Variants in PSME4 observed in about 807,000 individuals in gnomAD.
PSME4 encodes the protein proteasome activator subunit 4.
A neutral mutation model predicts 253.9 loss-of-function variants in PSME4; 89 were observed. The observed-to-expected ratio is 0.35, with a 90% confidence interval of 0.30 to 0.42. The LOEUF is 0.42. Ranked by LOEUF, PSME4 falls within the 10% of genes least tolerant of loss-of-function variation. The pLI, the probability that PSME4 is intolerant of heterozygous loss-of-function variation, is 1.00. For synonymous variants in PSME4, 851 were observed against 759.2 expected (o/e 1.12, Z -1.99); for missense variants, 2,014 against 2,195.2 (o/e 0.92, Z 1.65).
chr2:53,891,076 A>G (rs1679884259), intron 36 of PSME4, among the ~76,000 whole-genome samples: 1 of 152,196 alleles, frequency 6.6e-6, no homozygotes, highest in South Asian at 2.1e-4. Context: ...GTTCTTAAAA[A>G]TCTTGTATAA....
chr2:53,872,550 G>A (rs755883172), intron 43 of PSME4, among the ~76,000 whole-genome samples: 89 of 151,804 alleles, frequency 5.9e-4, no homozygotes, highest in Middle Eastern at 6.8e-3. Context: ...AGACCAGCCT[G>A]GGCAGTATGG....
At chr2:53,946,666 C>A (rs552033772) in intron 3 of PSME4, among the ~76,000 whole-genome samples, 1 of 152,206 alleles carries the variant, frequency 6.6e-6, no homozygotes, top group South Asian at 2.1e-4. Context: ...GAGGCCAAGG[C>A]GGGAGGATCA....
intron 27 of PSME4, among the ~76,000 whole-genome samples, chr2:53,903,713 A>C (rs1315345907): frequency 1.3e-5 from 2 of 152,204 alleles, no homozygotes; most frequent in African/African-American, 4.8e-5. Flanking sequence ...TATTTTCCTC[A>C]GGAAAGTCTG....
chr2:53,923,288 C>G (rs530753981), intron 15 of PSME4, 33 bp downstream of exon 15: 4 of 1,574,538 alleles, frequency 2.5e-6, no homozygotes, highest in Non-Finnish European at 3.4e-6. Flanking sequence ...ATTGTTGAGT[C>G]ATTAATACAT....
Position 53,923,349 on chromosome 2 carries a change from A to C in PSME4, c.1880T>G (p.Val627Gly). Residue 627 changes from valine to glycine, a missense_variant, in exon 15 of 47, where the codon GTG becomes GGG. Coordinates refer to ENST00000404125, the MANE Select transcript of PSME4 (RefSeq NM_014614.3). ...TACAGCAGCGCGGCACATGTCTGCC[A>C]CCATGCGACCTGCTACTCTTGTTTC... Reference protein sequence around the residue: ...IFETRVAGRMVADMCRAAVKC... With the variant: ...IFETRVAGRMGADMCRAAVKC... The C allele has an allele frequency of 6.2e-7, 1 of 1,610,440 alleles. No homozygotes were observed. The highest frequency in any genetic ancestry group is 2.2e-5 in the East Asian group (1 of 44,812).
intron 46 of PSME4, 122 bp downstream of exon 46, chr2:53,865,963 T>C (rs1341607094): frequency 5.7e-6 from 6 of 1,051,782 alleles, no homozygotes; most frequent in Non-Finnish European, 7.9e-6. Flanking sequence ...AAACAAACAA[T>C]CCCCGCCATC....
At chr2:53,910,209 T>A in intron 20 of PSME4, 79 bp from the exon 21 acceptor site, 1 of 1,136,278 alleles carries the variant, frequency 8.8e-7, no homozygotes, top group Non-Finnish European at 1.3e-6. Context: ...ATTGCTGGAC[T>A]GTTTAAACCA....
At position 53,910,161 on chromosome 2, in the gene PSME4, T is replaced by C. The variant is rs375488624; in HGVS notation, c.2517-31A>G. ...TAAAAACAAGAGTGCTTGCATTTATTAATAATACCAATATGAAGTATTAAA... is the reference window on the plus strand; with the variant it reads ...TAAAAACAAGAGTGCTTGCATTTATCAATAATACCAATATGAAGTATTAAA... On this transcript the variant is annotated intron_variant, in intron 20 of 46. Coordinates refer to ENST00000404125, the MANE Select transcript of PSME4 (RefSeq NM_014614.3). 79 of 1,537,430 alleles carry C rather than the reference T, an allele frequency of 5.1e-5. 1 individual carries two copies. The highest frequency in any genetic ancestry group is 1.7e-4 in the Middle Eastern group (1 of 5,842).
chr2:53,965,071 T>A (rs1355924403), intron 1 of PSME4, among the ~76,000 whole-genome samples: 1 of 151,638 alleles, frequency 6.6e-6, no homozygotes, highest in African/African-American at 2.4e-5. Context: ...TTCACTAAAA[T>A]CAAAATTCTG....
intron 35 of PSME4, 55 bp from the exon 36 acceptor site, chr2:53,893,015 A>G: frequency 6.6e-7 from 1 of 1,510,214 alleles, no homozygotes; most frequent in Non-Finnish European, 9.0e-7. Context: ...CTCGATTATA[A>G]TTATGCTTGT....
intron 20 of PSME4, among the ~76,000 whole-genome samples, chr2:53,915,056 C>G (rs1200971889): frequency 6.6e-6 from 1 of 152,054 alleles, no homozygotes; most frequent in Non-Finnish European, 1.5e-5. Flanking sequence ...CATTTAGTAG[C>G]CACTTCCCTG....
intron 20 of PSME4, among the ~76,000 whole-genome samples, chr2:53,918,140 G>T (rs1020271325): frequency 6.6e-6 from 1 of 152,090 alleles, no homozygotes; most frequent in Non-Finnish European, 1.5e-5. Flanking sequence ...TAACGTTTTT[G>T]TTGGAAAATC....
At chr2:53,917,679 C>G (rs1367816250) in intron 20 of PSME4, among the ~76,000 whole-genome samples, 1 of 152,162 alleles carries the variant, frequency 6.6e-6, no homozygotes, top group Admixed American at 6.5e-5. Context: ...AAGCAGAACT[C>G]AATTTGCTGA....
At chr2:53,884,857 A>G (rs941436958) in intron 41 of PSME4, among the ~76,000 whole-genome samples, 2 of 152,202 alleles carry the variant, frequency 1.3e-5, no homozygotes, top group African/African-American at 2.4e-5. Flanking sequence ...AGCATTCTTA[A>G]AAGTATTTTA....
At chr2:53,900,480 G>C (rs1480463847) in intron 28 of PSME4, among the ~76,000 whole-genome samples, 1 of 151,998 alleles carries the variant, frequency 6.6e-6, no homozygotes, top group Non-Finnish European at 1.5e-5. Flanking sequence ...CTGAGGCAGG[G>C]GATGATTATG....
chr2:53,891,008 C>A (rs1369229719), intron 36 of PSME4, among the ~76,000 whole-genome samples: 1 of 151,894 alleles, frequency 6.6e-6, no homozygotes, highest in African/African-American at 2.4e-5. Flanking sequence ...GCCTAAGCAA[C>A]GGAGCAAGAC....
chr2:53,923,931 A>C (rs1176134752), intron 14 of PSME4, among the ~76,000 whole-genome samples: 1 of 76,542 alleles, frequency 1.3e-5, no homozygotes, highest in African/African-American at 3.9e-5. Context: ...AAAAAAAAAA[A>C]AAAAAAAAAA....
intron 34 of PSME4, among the ~76,000 whole-genome samples, chr2:53,894,689 T>C (rs546181114): frequency 3.3e-5 from 5 of 149,572 alleles, no homozygotes; most frequent in Non-Finnish European, 1.5e-5. Flanking sequence ...TAAAAATCAG[T>C]CATTAACTTT....
At chr2:53,925,810 G>C in intron 13 of PSME4, 121 bp from the exon 14 acceptor site, 2 of 1,261,294 alleles carry the variant, frequency 1.6e-6, no homozygotes, top group South Asian at 1.4e-5. Context: ...ATTTCTACGT[G>C]GTTCACAAAT....
Sources: gnomAD v4.1 joint callset for allele counts (sites outside exome capture counted in the v4.1 genomes callset) on GRCh38, gnomAD v4.1.1 for gene constraint, MANE v1.5 for transcripts, NCBI Gene and HGNC (gene_info 2026-07-23, HGNC 2026-07-21) for gene names.